SUSD1: variants seen among roughly 807,000 people sequenced by gnomAD.
SUSD1 encodes the protein sushi domain containing 1.
SUSD1 carries 65 observed loss-of-function variants against 86.9 expected under a neutral mutation model. The ratio of observed to expected loss-of-function variants is 0.75; its 90% CI spans 0.61 to 0.92. SUSD1 has a LOEUF of 0.92. SUSD1 is among the 40% of genes least tolerant of loss of function. SUSD1 has a pLI of 0.00. For synonymous variants in SUSD1, 346 were observed against 350.0 expected (o/e 0.99, Z 0.13); for missense variants, 850 against 929.7 (o/e 0.91, Z 1.11).
chr9:112,110,559 C>G (rs771816828), intron 8 of SUSD1, among the ~76,000 whole-genome samples: 1 of 150,976 alleles, frequency 6.6e-6, no homozygotes, highest in Non-Finnish European at 1.5e-5. Context: ...GCTAAATTTT[C>G]TTTCTTTTTT....
chr9:112,091,623 A>G (rs1403170405), intron 10 of SUSD1, among the ~76,000 whole-genome samples: 1 of 152,246 alleles, frequency 6.6e-6, no homozygotes, highest in Non-Finnish European at 1.5e-5. Context: ...TAGCCTATAT[A>G]GACAGTTGGC....
At chr9:112,044,302 GTCCAAGTCTTTA>G (rs1253084213) in intron 15 of SUSD1, among the ~76,000 whole-genome samples, 1 of 152,186 alleles carries the variant, frequency 6.6e-6, no homozygotes, top group Non-Finnish European at 1.5e-5. Context: ...GGAGTCAGAT[GTCCAAGTCTTTA>G]TCTGAACACC....
intron 6 of SUSD1, among the ~76,000 whole-genome samples, chr9:112,115,824 G>GAAAGAAAAAAGA (rs1831297934): frequency 8.3e-6 from 1 of 120,956 alleles, no homozygotes; most frequent in East Asian, 2.4e-4. Context: ...AAAAAAAAAA[G>GAAAGAAAAAAGA]AAAAAAAAAA....
intron 15 of SUSD1, chr9:112,052,092 GA>G: frequency 2.3e-6 from 3 of 1,297,018 alleles, no homozygotes; most frequent in African/African-American, 1.5e-5. Flanking sequence ...AGAAGAAAAC[GA>G]AGCCAAGTGA....
At chr9:112,062,506 C>G (rs1477812905) in intron 13 of SUSD1, among the ~76,000 whole-genome samples, 1 of 152,042 alleles carries the variant, frequency 6.6e-6, no homozygotes, top group Non-Finnish European at 1.5e-5. Flanking sequence ...ACCAGCCTGA[C>G]CAACATGGCA....
intron 15 of SUSD1, among the ~76,000 whole-genome samples, chr9:112,046,752 A>C (rs1827972562): frequency 6.6e-6 from 1 of 152,200 alleles, no homozygotes; most frequent in Non-Finnish European, 1.5e-5. Context: ...ACTGTGTTAA[A>C]TTTCTCTTTG....
chr9:112,058,698 AAGG>A lies in SUSD1; in HGVS notation c.1851-15_1851-13del, dbSNP rs770229674. 104 of 1,613,286 alleles carry A rather than the reference AAGG, an allele frequency of 6.4e-5. No individual in the cohort carries two copies. The highest frequency in any genetic ancestry group is 7.2e-5 in the Non-Finnish European group (85 of 1,179,628). ...ACACCTGATATGAACTGGAAGAAAA[AAGG>A]AGAAGTGTCCATCAGACCCTTGCAT... On this transcript the variant is annotated splice_polypyrimidine_tract_variant and intron_variant, in intron 13 of 16. Coordinates refer to ENST00000374270, the MANE Select transcript of SUSD1 (RefSeq NM_022486.5).
intron 12 of SUSD1, among the ~76,000 whole-genome samples, chr9:112,067,619 C>T (rs926233826): frequency 6.6e-6 from 1 of 152,176 alleles, no homozygotes; most frequent in Non-Finnish European, 1.5e-5. Flanking sequence ...CAGGCAAATG[C>T]TAAACCCCTT....
chr9:112,125,949 C>T (rs1831756439), intron 5 of SUSD1, among the ~76,000 whole-genome samples: 1 of 152,206 alleles, frequency 6.6e-6, no homozygotes, highest in African/African-American at 2.4e-5. Flanking sequence ...GTCTATCTCT[C>T]ATGTCCCATG....
chr9:112,048,170 G>T (rs1173113110), intron 15 of SUSD1, among the ~76,000 whole-genome samples: 1 of 152,082 alleles, frequency 6.6e-6, no homozygotes, highest in Non-Finnish European at 1.5e-5. Flanking sequence ...GATTTAAAGG[G>T]CTCCTGTGAT....
chr9:112,136,189 G>A (rs961934790), intron 5 of SUSD1, among the ~76,000 whole-genome samples: 1 of 152,230 alleles, frequency 6.6e-6, no homozygotes, highest in East Asian at 1.9e-4. Context: ...TATATCGTGA[G>A]GTGCCAGAAA....
chr9:112,120,254 C>T (rs1831497861), intron 6 of SUSD1, among the ~76,000 whole-genome samples: 1 of 152,132 alleles, frequency 6.6e-6, no homozygotes, highest in Admixed American at 6.6e-5. Context: ...CTGTGGTGAG[C>T]TGTGATCACT....
chr9:112,171,082 C>T (rs1235218327), intron 1 of SUSD1, among the ~76,000 whole-genome samples: 2 of 152,126 alleles, frequency 1.3e-5, no homozygotes, highest in African/African-American at 4.8e-5. Context: ...GCAATCAGCC[C>T]CAAATGGTCA....
chr9:112,046,681 A>T (rs762306564), intron 15 of SUSD1, among the ~76,000 whole-genome samples: 1 of 152,204 alleles, frequency 6.6e-6, no homozygotes, highest in African/African-American at 2.4e-5. Context: ...GAAAGCACCA[A>T]TTCTGTTCTC....
chr9:112,126,446 T>C (rs1313369545), intron 5 of SUSD1, among the ~76,000 whole-genome samples: 1 of 152,114 alleles, frequency 6.6e-6, no homozygotes, highest in African/African-American at 2.4e-5. Context: ...ACTGCAAGAT[T>C]TTAAAAAAAA....
At chr9:112,095,364 C>T (rs967129749) in intron 10 of SUSD1, among the ~76,000 whole-genome samples, 13 of 152,190 alleles carry the variant, frequency 8.5e-5, no homozygotes, top group African/African-American at 1.9e-4. Context: ...TAAGTAAGAA[C>T]GTTCTCAGAG....
chr9:112,082,504 G>C (rs1008492880), intron 10 of SUSD1, among the ~76,000 whole-genome samples: 2 of 152,090 alleles, frequency 1.3e-5, no homozygotes, highest in African/African-American at 4.8e-5. Flanking sequence ...TTAAACTGAT[G>C]AGCTTTAAAT....
intron 5 of SUSD1, among the ~76,000 whole-genome samples, chr9:112,125,382 A>G (rs1306814544): frequency 6.6e-6 from 1 of 152,206 alleles, no homozygotes; most frequent in Non-Finnish European, 1.5e-5. Context: ...AAACCAGAGC[A>G]GTGAGTTGAA....
At chr9:112,173,031 A>G (rs1239442613) in intron 1 of SUSD1, among the ~76,000 whole-genome samples, 3 of 152,198 alleles carry the variant, frequency 2.0e-5, no homozygotes, top group African/African-American at 7.2e-5. Context: ...CGTAGCTACT[A>G]GCTGTGTTCA....
Sources: allele counts gnomAD v4.1 joint callset (sites outside exome capture counted in the v4.1 genomes callset), GRCh38; gene constraint gnomAD v4.1.1; transcripts MANE v1.5; gene names NCBI Gene and HGNC (gene_info 2026-07-23, HGNC 2026-07-21).